Variants in ATRN observed in about 807,000 individuals in gnomAD.
The protein encoded by ATRN is attractin-2.
In ATRN, 54 loss-of-function variants were observed where a neutral mutation model predicts 178.7. That is an observed-to-expected ratio of 0.30 (90% CI 0.24 to 0.38). The LOEUF (loss-of-function observed/expected upper bound fraction) is 0.38. Ranked by LOEUF, ATRN falls within the 10% of genes least tolerant of loss-of-function variation. The pLI, the probability that ATRN is intolerant of heterozygous loss-of-function variation, is 1.00. For synonymous variants in ATRN, 636 were observed against 663.0 expected (o/e 0.96, Z 0.63); for missense variants, 1,443 against 1,815.1 (o/e 0.79, Z 3.73).
chr20:3,584,962 A>T (rs752948385), intron 18 of ATRN, 82 bp downstream of exon 18: 89 of 1,310,608 alleles, frequency 6.8e-5, no homozygotes, highest in Non-Finnish European at 9.1e-5. Context: ...CGTTGTGTAT[A>T]TGTAACTCCC....
At chr20:3,481,660 A>ATTT (rs11471775) in intron 1 of ATRN, among the ~76,000 whole-genome samples, 1 of 151,772 alleles carries the variant, frequency 6.6e-6, no homozygotes, top group Non-Finnish European at 1.5e-5. Flanking sequence ...TAAATTTTTA[A>ATTT]TTAAGTTTTC....
At chr20:3,526,748 C>T (rs1056795022) in intron 1 of ATRN, among the ~76,000 whole-genome samples, 2 of 152,108 alleles carry the variant, frequency 1.3e-5, no homozygotes, top group African/African-American at 4.8e-5. Flanking sequence ...ACCAATGGAA[C>T]AGAACAGAGG....
intron 1 of ATRN, among the ~76,000 whole-genome samples, chr20:3,496,129 G>C (rs1356198718): frequency 6.6e-6 from 1 of 151,766 alleles, no homozygotes; most frequent in Admixed American, 6.6e-5. Flanking sequence ...TTTTTTGAAG[G>C]GTTTTTTGTG....
At chr20:3,511,595 T>TG (rs1393170419) in intron 1 of ATRN, among the ~76,000 whole-genome samples, 1 of 152,220 alleles carries the variant, frequency 6.6e-6, no homozygotes, top group Non-Finnish European at 1.5e-5. Flanking sequence ...ACATTAACTC[T>TG]GTTTATCATT....
At chr20:3,613,485 CTT>C (rs893508685) in intron 24 of ATRN, among the ~76,000 whole-genome samples, 12 of 152,170 alleles carry the variant, frequency 7.9e-5, no homozygotes, top group Non-Finnish European at 1.6e-4. Flanking sequence ...TCCCCAGAGA[CTT>C]AGCTTTTCTA....
At chr20:3,642,148 G>C (rs150094059) in intron 27 of ATRN, among the ~76,000 whole-genome samples, 1 of 152,244 alleles carries the variant, frequency 6.6e-6, no homozygotes, top group African/African-American at 2.4e-5. Context: ...TTTGACAGTG[G>C]TGTGCGTCAG....
chr20:3,510,296 G>A (rs2085107100), intron 1 of ATRN, among the ~76,000 whole-genome samples: 1 of 152,174 alleles, frequency 6.6e-6, no homozygotes, highest in African/African-American at 2.4e-5. Context: ...TACAGGGCCT[G>A]ATAGTAAATA....
At chr20:3,543,284 A>G (rs238684) in intron 3 of ATRN, among the ~76,000 whole-genome samples, 39,894 of 152,096 alleles carry the variant, frequency 0.26, 5,364 homozygotes, top group Admixed American at 0.29. Flanking sequence ...TCACTGTTGT[A>G]TTCCTGGTAC....
intron 13 of ATRN, 50 bp downstream of exon 13, chr20:3,575,998 G>A: frequency 6.3e-7 from 1 of 1,596,824 alleles, no homozygotes; most frequent in Non-Finnish European, 8.5e-7. Flanking sequence ...TTTGTCATAG[G>A]TTTAGCTTTT....
At chr20:3,541,464 A>G (rs2085621345) in intron 3 of ATRN, among the ~76,000 whole-genome samples, 1 of 151,750 alleles carries the variant, frequency 6.6e-6, no homozygotes, top group Non-Finnish European at 1.5e-5. Context: ...ATCATTATGT[A>G]AACATTATAG....
chr20:3,514,952 G>A (rs769402955), intron 1 of ATRN, among the ~76,000 whole-genome samples: 2 of 152,016 alleles, frequency 1.3e-5, no homozygotes. Flanking sequence ...GCAAGACACT[G>A]TCTCAAAAAA....
chr20:3,560,978 T>C, intron 8 of ATRN, 73 bp downstream of exon 8: 1 of 1,534,404 alleles, frequency 6.5e-7, no homozygotes, highest in Non-Finnish European at 8.9e-7. Context: ...ATTTTGACTG[T>C]TTAGAAAAGT....
Position 3,592,573 on chromosome 20 carries a change from C to T in ATRN, c.3322+1267C>T, listed in dbSNP as rs568824501. On this transcript the variant is annotated intron_variant, in intron 19 of 28. Coordinates refer to ENST00000262919, the MANE Select transcript of ATRN (RefSeq NM_139321.3). Reference sequence around the variant, plus strand: ...CAAAAAACATAATGAGTACTATAGTCGAAAGACTTTTCAAAGTTCTGAGCA... The same window carrying T: ...CAAAAAACATAATGAGTACTATAGTTGAAAGACTTTTCAAAGTTCTGAGCA... 82 of 759,758 alleles carry T rather than the reference C, an allele frequency of 1.1e-4. No homozygotes were observed. In the East Asian group the frequency reaches 1.2e-3, roughly 11 times the overall value. The allele number at this position is 759,758 out of a possible 1,614,324, so 47.1% of individuals were successfully genotyped here. A position where few individuals can be genotyped will look rare whatever the true frequency, so the allele number is the denominator to read the frequency against.
At chr20:3,541,973 G>A (rs753606919) in intron 3 of ATRN, among the ~76,000 whole-genome samples, 1 of 152,312 alleles carries the variant, frequency 6.6e-6, no homozygotes, top group East Asian at 1.9e-4. Flanking sequence ...TCAGGCGACT[G>A]TTGTGCCCTC....
chr20:3,623,919 T>C (rs1429635972), intron 24 of ATRN, among the ~76,000 whole-genome samples: 1 of 152,210 alleles, frequency 6.6e-6, no homozygotes, highest in Non-Finnish European at 1.5e-5. Flanking sequence ...AATGTTATTT[T>C]AGAGTTGATG....
chr20:3,527,860 T>C (rs989713583), intron 1 of ATRN, among the ~76,000 whole-genome samples: 2 of 150,592 alleles, frequency 1.3e-5, no homozygotes, highest in Non-Finnish European at 3.0e-5. Flanking sequence ...TAAGTGGGAG[T>C]TGAACAGTTA....
intron 1 of ATRN, among the ~76,000 whole-genome samples, chr20:3,501,208 A>G (rs1203425442): frequency 6.6e-6 from 1 of 152,196 alleles, no homozygotes; most frequent in East Asian, 1.9e-4. Flanking sequence ...AAGAGGAGAT[A>G]CAAAGGTAGA....
At position 3,471,411 on chromosome 20, in the gene ATRN, G is replaced by T; in HGVS notation, c.304G>T (p.Asp102Tyr). Residue 102 changes from aspartate (D) to tyrosine (Y), a missense_variant, in exon 1 of 29, where the codon GAC becomes TAC. Transcript: ENST00000262919. ...AGCCGCAGCCGAGGCCAAGGAATGTGACCGGCCCTGTGTCAACGGCGGTCG... is the reference window on the plus strand; with the variant it reads ...AGCCGCAGCCGAGGCCAAGGAATGTTACCGGCCCTGTGTCAACGGCGGTCG... ...GSAAAEAKEC[D>Y]RPCVNGGRCN... is the part of the protein sequence containing the mutation. The T allele has an allele frequency of 6.7e-7, 1 of 1,486,220 alleles. No individual in the cohort carries two copies. The highest frequency in any genetic ancestry group is 1.3e-5 in the South Asian group (1 of 77,636). 92.1% of individuals were successfully genotyped at this position (1,486,220 alleles called of 1,614,324 possible). A position where few individuals can be genotyped will look rare whatever the true frequency, so the allele number is the denominator to read the frequency against.
intron 10 of ATRN, among the ~76,000 whole-genome samples, chr20:3,565,031 C>T (rs1380665819): frequency 6.6e-6 from 1 of 152,130 alleles, no homozygotes; most frequent in Non-Finnish European, 1.5e-5. Context: ...CACCACTGCA[C>T]TCCAGCCTGG....
Sources: gnomAD v4.1 joint callset for allele counts (sites outside exome capture counted in the v4.1 genomes callset) on GRCh38, gnomAD v4.1.1 for gene constraint, MANE v1.5 for transcripts, NCBI Gene and HGNC (gene_info 2026-07-23, HGNC 2026-07-21) for gene names.